The following PKN2 variants were observed in gnomAD, a reference collection of about 807,000 sequenced individuals.
PKN2 encodes the protein protein kinase N2.
Under a neutral mutation model 119.1 loss-of-function variants are expected in PKN2, and 38 were observed. The observed-to-expected ratio is 0.32, with a 90% CI of 0.25 to 0.42. The LOEUF is 0.42. PKN2 is among the 10% of genes least tolerant of loss of function. PKN2 has a pLI of 1.00. For missense variants in PKN2, 850 were observed against 1,165.1 expected, an observed-to-expected ratio of 0.73 and a Z score of 3.94; for synonymous variants, 390 against 384.9, an observed-to-expected ratio of 1.01 and a Z score of -0.15.
rs370623223 is a variant in PKN2, at chr1:88,771,578, T to G, written c.768+12T>G. The G allele has an allele frequency of 1.1e-4, 171 of 1,562,934 alleles. No individual in the cohort carries two copies. The highest frequency in any genetic ancestry group is 1.4e-4 in the Non-Finnish European group (166 of 1,157,262). On this transcript the variant is annotated intron_variant, in intron 5 of 21. Transcript: ENST00000370521. ...AAGCACTTTCAGAAGTAATTTTAAA[T>G]AAAAATTTTTATTTGGTTTAATAAA...
rs948584764 is a variant in PKN2, at chr1:88,685,891, G to T, written c.48+1263G>T. ...TCTCTTTATAAGTTTGGTTTCTTGT[G>T]CAGTCAGACGTAAGCTTGAAAACTT... On this transcript the variant is annotated intron_variant, in intron 1 of 21. Transcript: ENST00000370521. Among the ~76,000 whole-genome samples the T allele has an allele frequency of 5.9e-5, 9 of 152,230 alleles. 1 individual carries two copies. In the South Asian group the frequency reaches 1.0e-3, roughly 18 times the overall value.
Position 88,753,007 on chromosome 1 carries a change from A to G in PKN2, c.350-7215A>G, listed in dbSNP as rs568593763. 7.2e-5 allele frequency among the ~76,000 whole-genome samples: 11 copies of G among 152,214 alleles called. No individual in the cohort carries two copies. The East Asian group carries it at 2.1e-3, about 29-fold the overall frequency. On this transcript the variant is annotated intron_variant, in intron 2 of 21. Transcript: ENST00000370521. ...TATTTTTTAAGAATCAATTATTAAA[A>G]GTTCGATTGTTTTGGAAATTGATTC...
At chr1:88,828,418 A>ATT in intron 18 of PKN2, 63 bp from the exon 19 acceptor site, 25 of 1,322,858 alleles carry the variant, frequency 1.9e-5, no homozygotes, top group South Asian at 4.1e-5. Flanking sequence ...GATAGCTTTG[A>ATT]TTTTTTTTTT....
intron 1 of PKN2, among the ~76,000 whole-genome samples, chr1:88,692,467 A>T (rs769531090): frequency 2.6e-5 from 4 of 152,178 alleles, no homozygotes; most frequent in Non-Finnish European, 5.9e-5. Flanking sequence ...GCACCAATTT[A>T]TATTCATATT....
intron 2 of PKN2, among the ~76,000 whole-genome samples, chr1:88,743,716 T>C (rs558832702): frequency 1.3e-5 from 2 of 152,302 alleles, no homozygotes; most frequent in South Asian, 4.1e-4. Flanking sequence ...TTGGGAATAT[T>C]ATATCTCAAA....
chr1:88,832,764 T>G lies in PKN2; in HGVS notation c.2583T>G (p.Asp861Glu). Reference sequence around the variant, plus strand: ...TCTAGTCTCCCTTTCCTGGTGATGATGAAGAGGAAGTTTTTGACAGTATTG... The same window carrying G: ...TCTAGTCTCCCTTTCCTGGTGATGAGGAAGAGGAAGTTTTTGACAGTATTG... ...LVGESPFPGD[D>E]EEEVFDSIVN... The change falls in exon 20 of 22, where the codon GAT (aspartate) becomes GAG (glutamate). Residue 861 changes from aspartate to glutamate, a missense_variant. This residue lies in a region of PKN2 where 95 missense variants were observed against 150.2 expected (regional missense o/e 0.63). Coordinates refer to ENST00000370521, the MANE Select transcript of PKN2 (RefSeq NM_006256.4). The G allele has an allele frequency of 6.3e-7, 1 of 1,597,958 alleles. No individual in the cohort carries two copies. The highest frequency in any genetic ancestry group is 8.6e-7 in the Non-Finnish European group (1 of 1,169,456).
intron 16 of PKN2, among the ~76,000 whole-genome samples, chr1:88,818,081 A>G (rs2100906080): frequency 6.6e-6 from 1 of 152,280 alleles, no homozygotes; most frequent in East Asian, 1.9e-4. Flanking sequence ...GATAATAGAG[A>G]ACTGAATCAT....
intron 1 of PKN2, among the ~76,000 whole-genome samples, chr1:88,726,291 T>G (rs914597458): frequency 6.6e-6 from 1 of 152,334 alleles, no homozygotes; most frequent in East Asian, 1.9e-4. Context: ...TTTTCACCGT[T>G]ACATATGATG....
At position 88,719,463 on chromosome 1, in the gene PKN2, A is replaced by G. The variant is rs183359515; in HGVS notation, c.49-21525A>G. Among the ~76,000 whole-genome samples the G allele has an allele frequency of 3.5e-3, 527 of 152,248 alleles. 3 individuals are homozygous for G. Among genetic ancestry groups the G allele is most frequent in the Middle Eastern group, 0.017 (5 of 294 alleles). On this transcript the variant is annotated intron_variant, in intron 1 of 21. Coordinates refer to ENST00000370521, the MANE Select transcript of PKN2 (RefSeq NM_006256.4). ...TTGTTCTGTCTCTTCCTATCTGTCC[A>G]TCCATTCATCCATCTATTTATATTA...
rs1476267726 is a variant in PKN2, at chr1:88,735,604, C to G, written c.49-5384C>G. Among the ~76,000 whole-genome samples the G allele has an allele frequency of 1.5e-3, 5 of 3,318 alleles. No individual in the cohort carries two copies. In the African/African-American group the frequency reaches 0.015, roughly 10 times the overall value. 2.2% of individuals were successfully genotyped at this position (3,318 alleles called of 152,430 possible). ...ACAGTATTCTTGGTTGACAGCCCAC[C>G]CCCCCCCCCCCCACCCCCAATCTTT... On this transcript the variant is annotated intron_variant, in intron 1 of 21. Transcript: ENST00000370521.
chr1:88,821,965 T>C lies in PKN2; in HGVS notation c.2304T>C (p.Leu768=), dbSNP rs1168643284. Reference sequence around the variant, plus strand: ...GATTTTATGCTGCTTGTGTAGTTCTTGGGTTGCAGTATTTACATGAACACA... The same window carrying C: ...GATTTTATGCTGCTTGTGTAGTTCTCGGGTTGCAGTATTTACATGAACACA... ...RAVFYAACVV[L]GLQYLHEHKI... Residue 768 remains leucine (L), a synonymous_variant, in exon 17 of 22, where the codon CTT becomes CTC. Coordinates refer to ENST00000370521, the MANE Select transcript of PKN2 (RefSeq NM_006256.4). 6.3e-7 allele frequency: 1 copy of C among 1,577,764 alleles called. No homozygotes were observed. Among genetic ancestry groups the C allele is most frequent in the Non-Finnish European group, 8.6e-7 (1 of 1,166,448 alleles).
At chr1:88,717,647 T>A (rs1570523790) in intron 1 of PKN2, among the ~76,000 whole-genome samples, 1 of 151,928 alleles carries the variant, frequency 6.6e-6, no homozygotes, top group Non-Finnish European at 1.5e-5. Context: ...CTCCATCAGG[T>A]CATTTAAGGT....
At chr1:88,736,886 A>T (rs1365189107) in intron 1 of PKN2, among the ~76,000 whole-genome samples, 1 of 152,114 alleles carries the variant, frequency 6.6e-6, no homozygotes, top group Non-Finnish European at 1.5e-5. Flanking sequence ...TCTGGCCCAG[A>T]TTGACTAGGG....
Position 88,771,426 on chromosome 1 carries a change from C to G in PKN2, c.628C>G (p.Pro210Ala). 6.3e-7 allele frequency: 1 copy of G among 1,583,736 alleles called. No individual in the cohort carries two copies. The highest frequency in any genetic ancestry group is 8.5e-7 in the Non-Finnish European group (1 of 1,170,488). Reference protein sequence around the residue: ...TNELAFDNAKPVISPLELRME... With the variant: ...TNELAFDNAKAVISPLELRME... ...AATTTTTTTTTCCTTTCTAGCAAAA[C>G]CTGTGATAAGTCCTCTTGAACTTCG... The change falls in exon 5 of 22, where the codon CCT becomes GCT. Residue 210 changes from proline to alanine, a missense_variant. Physicochemically the swap from Pro to Ala is conservative, Grantham distance 27. This residue lies in a region of PKN2 where 350 missense variants were observed against 511.1 expected (regional missense o/e 0.68). Coordinates refer to ENST00000370521, the MANE Select transcript of PKN2 (RefSeq NM_006256.4).
chr1:88,716,810 G>A (rs1403731148), intron 1 of PKN2, among the ~76,000 whole-genome samples: 1 of 152,096 alleles, frequency 6.6e-6, no homozygotes, highest in African/African-American at 2.4e-5. Flanking sequence ...GGTTAATATT[G>A]TTATGTGTGA....
chr1:88,757,144 C>T (rs968054727), intron 2 of PKN2, among the ~76,000 whole-genome samples: 1 of 152,086 alleles, frequency 6.6e-6, no homozygotes, highest in African/African-American at 2.4e-5. Flanking sequence ...GAATAGAAAC[C>T]TTTCCTGAAT....
chr1:88,810,996 T>A (rs528080963), intron 15 of PKN2, among the ~76,000 whole-genome samples: 31 of 152,344 alleles, frequency 2.0e-4, no homozygotes, highest in Admixed American at 1.8e-3. Context: ...TTACCTTTTT[T>A]AATAAATCAT....
At chr1:88,821,875 CAT>C (rs1672306123) in intron 16 of PKN2, 64 bp from the exon 17 acceptor site, 1 of 1,234,956 alleles carries the variant, frequency 8.1e-7, no homozygotes, top group Non-Finnish European at 1.1e-6. Context: ...GAAGTATAAA[CAT>C]ATAAGCTGGG....
At chr1:88,728,016 C>CTTTTTTTTTTT (rs34460979) in intron 1 of PKN2, among the ~76,000 whole-genome samples, 1 of 130,786 alleles carries the variant, frequency 7.6e-6, no homozygotes, top group Non-Finnish European at 1.6e-5. Context: ...TTTCTTGGGG[C>CTTTTTTTTTTT]TTTTTTTTTT....
Sources: gnomAD v4.1 joint callset for allele counts (sites outside exome capture counted in the v4.1 genomes callset) on GRCh38, gnomAD v4.1.1 for gene constraint, gnomAD v4.1.1 regional missense constraint, MANE v1.5 for transcripts, NCBI Gene and HGNC (gene_info 2026-07-23, HGNC 2026-07-21) for gene names.